Variants in GLYATL2 observed in about 807,000 individuals in gnomAD.
GLYATL2 encodes glycine-N-acyltransferase like 2.
GLYATL2 carries 25 observed loss-of-function variants against 21.4 expected under a neutral mutation model. The observed-to-expected ratio is 1.17, with a 90% confidence interval of 0.85 to 1.63. The LOEUF is 1.63. GLYATL2 is among the 40% of genes most tolerant of loss of function. The pLI is 0.00. For missense variants in GLYATL2, 361 were observed against 343.3 expected (o/e 1.05, Z -0.41); for synonymous variants, 114 against 118.2 (o/e 0.96, Z 0.23).
chr11:58,837,395 C>A lies in GLYATL2; in HGVS notation c.189G>T (p.Glu63Asp), dbSNP rs751684769. ...TATAATGATCCTGGTCATCTTTCAT[C>A]TCCTGATATAACAAATATCAATTAT... is the stretch of plus-strand genomic sequence containing the variant. ...QIVITRPQKQ[E>D]MKDDQDHYTN... Residue 63 changes from glutamate (E) to aspartate (D), a missense_variant and splice_region_variant, in exon 4 of 6, where the codon GAG becomes GAT. Glu to Asp is a conservative substitution (Grantham distance 45). Coordinates refer to ENST00000287275, the MANE Select transcript of GLYATL2 (RefSeq NM_145016.4). 3 of 1,612,274 alleles carry A rather than the reference C, an allele frequency of 1.9e-6. No homozygotes were observed. The Admixed American group carries it at 5.0e-5, about 27-fold the overall frequency.
upstream of GLYATL2, among the ~76,000 whole-genome samples, chr11:58,845,079 TG>T (rs1249808025): frequency 8.5e-5 from 13 of 152,292 alleles, no homozygotes; most frequent in East Asian, 1.9e-3. Flanking sequence ...GAATTAGCTT[TG>T]TAGTGGAATA....
chr11:58,849,873 C>T (rs1392759449), intron 1 of GLYATL2, among the ~76,000 whole-genome samples: 7 of 151,794 alleles, frequency 4.6e-5, no homozygotes, highest in Non-Finnish European at 1.0e-4. Context: ...TACCATAGCT[C>T]GCTTATACCT....
chr11:58,887,401 A>G (rs546928968), intron 1 of GLYATL2, among the ~76,000 whole-genome samples: 112 of 152,232 alleles, frequency 7.4e-4, no homozygotes, highest in Admixed American at 1.9e-3. Flanking sequence ...GAGAATTTAT[A>G]TAGAAAAAAA....
upstream of GLYATL2, among the ~76,000 whole-genome samples, chr11:58,845,231 A>G (rs1012241986): frequency 2.6e-5 from 4 of 152,210 alleles, no homozygotes; most frequent in Non-Finnish European, 4.4e-5. Flanking sequence ...TGTATGTTAT[A>G]AAAAGCTATC....
At chr11:58,891,702 A>G (rs764596058) in intron 1 of GLYATL2, among the ~76,000 whole-genome samples, 5 of 152,226 alleles carry the variant, frequency 3.3e-5, no homozygotes, top group Non-Finnish European at 5.9e-5. Flanking sequence ...AGCCAAGTTT[A>G]AAAATTTAAT....
At chr11:58,900,021 G>A (rs1240828336) in intron 1 of GLYATL2, among the ~76,000 whole-genome samples, 1 of 152,014 alleles carries the variant, frequency 6.6e-6, no homozygotes, top group East Asian at 1.9e-4. Flanking sequence ...TGGGGGGTGG[G>A]GGGAGATCGA....
intron 1 of GLYATL2, among the ~76,000 whole-genome samples, chr11:58,899,354 A>G (rs1023515103): frequency 6.6e-6 from 1 of 152,038 alleles, no homozygotes; most frequent in Non-Finnish European, 1.5e-5. Context: ...AGAACTCCTC[A>G]CTGCCCCTCT....
chr11:58,877,288 C>T (rs936408754), intron 1 of GLYATL2, among the ~76,000 whole-genome samples: 4 of 152,162 alleles, frequency 2.6e-5, no homozygotes, highest in Admixed American at 1.3e-4. Flanking sequence ...GTGCTGCACC[C>T]GCTATACAGC....
At chr11:58,864,068 C>T (rs778343327) in intron 1 of GLYATL2, among the ~76,000 whole-genome samples, 15 of 152,148 alleles carry the variant, frequency 9.9e-5, no homozygotes, top group Non-Finnish European at 2.1e-4. Flanking sequence ...TGTGAGCCAA[C>T]CTAGTTTTGG....
At chr11:58,904,689 T>C (rs1019095578), upstream of GLYATL2, among the ~76,000 whole-genome samples, 1 of 152,236 alleles carries the variant, frequency 6.6e-6, no homozygotes, top group African/African-American at 2.4e-5. Flanking sequence ...ATATTATTTT[T>C]ACAATTACAC....
At chr11:58,843,760 T>C (rs1014326879) in intron 1 of GLYATL2, among the ~76,000 whole-genome samples, 3 of 152,144 alleles carry the variant, frequency 2.0e-5, no homozygotes, top group African/African-American at 4.8e-5. Context: ...TGGGATCAGA[T>C]ATTAGACTAT....
At chr11:58,860,031 A>G (rs1466993732) in intron 1 of GLYATL2, among the ~76,000 whole-genome samples, 1 of 152,092 alleles carries the variant, frequency 6.6e-6, no homozygotes, top group African/African-American at 2.4e-5. Context: ...TTCATAGTAC[A>G]TTTTGAAGTT....
rs991055200 is a variant in GLYATL2, at chr11:58,866,490, T to C, written n.61-28122A>G. The stretch of plus-strand genomic sequence containing the variant: ...GAAGAATCTGCTCAATCACCAAAGC[T>C]CCTGAATTAAGAGTTAGGAAGCTCC... On this transcript the variant is annotated intron_variant and non_coding_transcript_variant, in intron 1 of 4. Coordinates refer to the GLYATL2 transcript ENST00000533636. Among the ~76,000 whole-genome samples, 53 of 148,734 alleles carry C rather than the reference T, an allele frequency of 3.6e-4. 2 individuals carry two copies. The highest frequency in any genetic ancestry group is 1.1e-3 in the African/African-American group (45 of 41,202).
At chr11:58,891,803 A>G (rs928439828) in intron 1 of GLYATL2, among the ~76,000 whole-genome samples, 1 of 152,194 alleles carries the variant, frequency 6.6e-6, no homozygotes, top group Non-Finnish European at 1.5e-5. Context: ...TGTGTGGCCC[A>G]AGAGGTGAGA....
In GLYATL2 at chr11:58,837,411, T is replaced by A. The variant is rs1352015929; in HGVS notation, c.187-14A>T. On this transcript the variant is annotated splice_polypyrimidine_tract_variant and intron_variant, in intron 3 of 5. Coordinates refer to ENST00000287275, the MANE Select transcript of GLYATL2 (RefSeq NM_145016.4). ...ATCTTTCATCTCCTGATATAACAAA[T>A]ATCAATTATATTTACATAGCGCTAC... 6.2e-7 allele frequency: 1 copy of A among 1,607,954 alleles called. No homozygotes were observed. The highest frequency in any genetic ancestry group is 8.5e-7 in the Non-Finnish European group (1 of 1,175,128).
chr11:58,850,990 T>C (rs1853731326), intron 1 of GLYATL2, among the ~76,000 whole-genome samples: 1 of 152,180 alleles, frequency 6.6e-6, no homozygotes, highest in Non-Finnish European at 1.5e-5. Context: ...GAAAAGAGCA[T>C]AGAATAAATA....
intron 2 of GLYATL2, 37 bp from the exon 3 acceptor site, chr11:58,838,405 T>A: frequency 1.7e-6 from 2 of 1,151,124 alleles, no homozygotes; most frequent in Non-Finnish European, 2.6e-6. Flanking sequence ...GAGGATGAAG[T>A]TCTTCTCCAA....
chr11:58,894,110 C>T (rs1420879015), intron 1 of GLYATL2, among the ~76,000 whole-genome samples: 5 of 152,130 alleles, frequency 3.3e-5, no homozygotes, highest in East Asian at 1.9e-4. Context: ...CTTACTTCCT[C>T]GTCATTAGTG....
intron 1 of GLYATL2, among the ~76,000 whole-genome samples, chr11:58,871,774 T>C (rs1327704087): frequency 6.6e-6 from 1 of 150,774 alleles, no homozygotes; most frequent in Non-Finnish European, 1.5e-5. Context: ...AGCAGCATGA[T>C]TTATAATCCT....
Sources: allele counts gnomAD v4.1 joint callset (sites outside exome capture counted in the v4.1 genomes callset), GRCh38; gene constraint gnomAD v4.1.1; transcripts MANE v1.5; gene names NCBI Gene and HGNC (gene_info 2026-07-23, HGNC 2026-07-21).